Variants in ENTPD7 observed in about 807,000 individuals in gnomAD.
ENTPD7 encodes ectonucleoside triphosphate diphosphohydrolase 7.
ENTPD7 carries 53 observed loss-of-function variants against 77.9 expected under a neutral mutation model. The observed-to-expected ratio is 0.68, with a 90% CI of 0.55 to 0.85. The LOEUF (loss-of-function observed/expected upper bound fraction) is 0.85, where lower values mean the gene tolerates loss of function less well. Ranked by LOEUF, ENTPD7 falls within the 40% of genes least tolerant of loss-of-function variation. ENTPD7 has a pLI of 0.00. For missense variants in ENTPD7, 636 were observed against 743.7 expected (o/e 0.86, Z 1.68); for synonymous variants, 248 against 274.9 (o/e 0.90, Z 0.97).
chr10:99,698,038 T>G (rs1373160493), intron 9 of ENTPD7: 1 of 164,556 alleles, frequency 6.1e-6, no homozygotes, highest in Admixed American at 5.7e-5. Context: ...GTGCCTGTTC[T>G]GTTCCAGCAC....
At position 99,699,604 on chromosome 10, in the gene ENTPD7, G is replaced by T. The variant is rs544979121; in HGVS notation, c.1335+746G>T. 4.6e-5 allele frequency among the ~76,000 whole-genome samples: 7 copies of T among 152,262 alleles called. No homozygotes were observed. The South Asian group carries it at 1.5e-3, about 32-fold the overall frequency. On this transcript the variant is annotated intron_variant, in intron 10 of 12. Coordinates refer to ENST00000370489, the MANE Select transcript of ENTPD7 (RefSeq NM_020354.5). ...TCTTGAGATGGGGTCTCGCTCTGTA[G>T]CCCAGGCTGGAGTGCATTGGCATGA...
At position 99,701,006 on chromosome 10, in the gene ENTPD7, C is replaced by T. The variant is rs147079897; in HGVS notation, c.1369C>T (p.Gln457Ter). 2 of 1,614,018 alleles carry T rather than the reference C, an allele frequency of 1.2e-6. No individual in the cohort carries two copies. Among genetic ancestry groups the T allele is most frequent in the Non-Finnish European group, 1.7e-6 (2 of 1,179,994 alleles). Residue 457 changes from glutamine (Q) to a stop codon, truncating the protein, a stop_gained, in exon 11 of 13, where the codon CAG (glutamine) becomes TAG (stop). Transcript: ENST00000370489. LOFTEE classifies it high-confidence loss of function. ...TGGCATGGCTTGGTCGGTACTAACT[C>T]AGAGATTCAAGAATGGCCTCTTTTC... The part of the protein sequence containing the change: ...YCGMAWSVLT[Q>*]RFKNGLFSSH...
intron 8 of ENTPD7, among the ~76,000 whole-genome samples, chr10:99,694,368 A>G (rs890505009): frequency 8.5e-5 from 13 of 152,138 alleles, no homozygotes; most frequent in African/African-American, 3.1e-4. Context: ...TGGGTATTTC[A>G]TTCCTTTTTA....
At position 99,709,646 on chromosome 10, in the gene ENTPD7, G is replaced by T; in HGVS notation, c.*4963G>T. 1 of 985,366 alleles carries T rather than the reference G, an allele frequency of 1.0e-6. No individual in the cohort carries two copies. The highest frequency in any genetic ancestry group is 1.2e-6 in the Non-Finnish European group (1 of 829,928). The allele number at this position is 985,366 out of a possible 1,614,324, so 61.0% of individuals were successfully genotyped here. On this transcript the variant is annotated 3_prime_UTR_variant, in exon 13 of 13. Transcript: ENST00000370489. ...TCTCTCATAACCTGGATCTAAGTTGGAAAGCTGTGGCACCCTGTTTGGGTG... is the reference window on the plus strand; with the variant it reads ...TCTCTCATAACCTGGATCTAAGTTGTAAAGCTGTGGCACCCTGTTTGGGTG...
intron 7 of ENTPD7, 42 bp from the exon 8 acceptor site, chr10:99,691,343 T>G (rs748253142): frequency 6.3e-7 from 1 of 1,586,962 alleles, no homozygotes; most frequent in Non-Finnish European, 8.6e-7. Context: ...TTAATTTTAT[T>G]TTTTAATTAC....
chr10:99,665,256 G>GAAA (rs11428277), intron 3 of ENTPD7, among the ~76,000 whole-genome samples: 3 of 142,284 alleles, frequency 2.1e-5, no homozygotes, highest in Non-Finnish European at 3.0e-5. Flanking sequence ...CTGTCTCAAA[G>GAAA]AAAAAAAAAA....
At chr10:99,672,984 A>G (rs1278668168) in intron 3 of ENTPD7, among the ~76,000 whole-genome samples, 1 of 152,232 alleles carries the variant, frequency 6.6e-6, no homozygotes, top group African/African-American at 2.4e-5. Flanking sequence ...TTTCAGGATA[A>G]TGGCAGTGAA....
chr10:99,704,050 T>A (rs947070037), intron 12 of ENTPD7, among the ~76,000 whole-genome samples: 5 of 152,198 alleles, frequency 3.3e-5, no homozygotes, highest in African/African-American at 1.2e-4. Context: ...AAAAAAGGAT[T>A]TAGACACACA....
rs78819087 is a variant in ENTPD7 at position 99,684,093 on chromosome 10, T to A, written c.549-1699T>A. Among the ~76,000 whole-genome samples, 442 of 152,328 alleles carry A rather than the reference T, an allele frequency of 2.9e-3. 12 individuals carry two copies. The East Asian group carries it at 0.071, about 25-fold the overall frequency. On this transcript the variant is annotated intron_variant, in intron 5 of 12. Coordinates refer to ENST00000370489, the MANE Select transcript of ENTPD7 (RefSeq NM_020354.5). ...TTATTGGAGATGGAGTCTCCCTCTA[T>A]CGCCCAGGCTGGAGTGCAGTGGCAT...
In ENTPD7 at chr10:99,704,543, C is replaced by G; in HGVS notation, c.1675C>G (p.Leu559Val). 6.2e-7 allele frequency: 1 copy of G among 1,614,182 alleles called. No homozygotes were observed. The highest frequency in any genetic ancestry group is 8.5e-7 in the Non-Finnish European group (1 of 1,180,028). ...YNHYLFFACI[L>V]VVLLAIFLYL... The stretch of plus-strand genomic sequence containing the variant: ...CCACTATCTCTTCTTTGCCTGTATC[C>G]TGGTGGTGCTACTGGCCATCTTCCT... Residue 559 changes from leucine to valine, a missense_variant, in exon 13 of 13, where the codon CTG becomes GTG. Transcript: ENST00000370489.
chr10:99,677,920 G>A (rs887356881), intron 3 of ENTPD7, among the ~76,000 whole-genome samples: 6 of 152,086 alleles, frequency 3.9e-5, no homozygotes, highest in African/African-American at 1.4e-4. Flanking sequence ...ATAGAGCTGA[G>A]ATTCAAACCT....
chr10:99,698,500 T>G, intron 9 of ENTPD7, 34 bp from the exon 10 acceptor site: 1 of 1,557,132 alleles, frequency 6.4e-7, no homozygotes, highest in Non-Finnish European at 8.8e-7. Flanking sequence ...GCATGACGTG[T>G]TTGTTTGTTT....
At chr10:99,667,294 A>G (rs1488470493) in intron 3 of ENTPD7, among the ~76,000 whole-genome samples, 2 of 152,216 alleles carry the variant, frequency 1.3e-5, no homozygotes, top group Non-Finnish European at 2.9e-5. Context: ...TAAGAGGCAA[A>G]CATTTATTGA....
At chr10:99,690,432 ATTAAT>A (rs1467524930) in intron 7 of ENTPD7, among the ~76,000 whole-genome samples, 1 of 152,102 alleles carries the variant, frequency 6.6e-6, no homozygotes, top group Non-Finnish European at 1.5e-5. Context: ...ATAGGGTGCT[ATTAAT>A]TTATTTGATT....
At chr10:99,695,010 T>C (rs187828412) in intron 8 of ENTPD7, among the ~76,000 whole-genome samples, 16 of 152,228 alleles carry the variant, frequency 1.1e-4, no homozygotes, top group Non-Finnish European at 2.1e-4. Flanking sequence ...GAGAATGGAA[T>C]GAGATTAAGT....
At position 99,709,544 on chromosome 10, in the gene ENTPD7, A is replaced by G. The variant is rs907697224; in HGVS notation, c.*4861A>G. ...AATAACAGGATTATTAGTCAATAAT[A>G]TTTTGATTAATACTATAGAATAGCA... On this transcript the variant is annotated 3_prime_UTR_variant, in exon 13 of 13. Coordinates refer to ENST00000370489, the MANE Select transcript of ENTPD7 (RefSeq NM_020354.5). 1.0e-6 allele frequency: 1 copy of G among 982,692 alleles called. No homozygotes were observed. Among genetic ancestry groups the G allele is most frequent in the African/African-American group, 1.7e-5 (1 of 57,194 alleles). The allele number at this position is 982,692 out of a possible 1,614,324, so 60.9% of individuals were successfully genotyped here. A position where few individuals can be genotyped will look rare whatever the true frequency, so the allele number is the denominator to read the frequency against.
chr10:99,678,430 T>A (rs1266815609), intron 3 of ENTPD7, among the ~76,000 whole-genome samples: 3 of 150,618 alleles, frequency 2.0e-5, no homozygotes, highest in Non-Finnish European at 4.4e-5. Context: ...ATCATGCCAC[T>A]GCACTCTAGC....
chr10:99,702,581 C>T lies in ENTPD7; in HGVS notation c.1491C>T (p.Tyr497=). ...LHEGFHFPYD[Y]PNLRTAQLVY... ...AAGGATTCCACTTTCCCTATGACTA[C>T]CCAAACCTGCGGACAGCCCAGCTGG... The change falls in exon 12 of 13, where the codon TAC becomes TAT. Residue 497 remains tyrosine (Y), a synonymous_variant. Transcript: ENST00000370489. 1 of 1,613,276 alleles carries T rather than the reference C, an allele frequency of 6.2e-7. No homozygotes were observed. The highest frequency in any genetic ancestry group is 8.5e-7 in the Non-Finnish European group (1 of 1,179,698).
chr10:99,709,970 T>C lies in ENTPD7; in HGVS notation c.*5287T>C. The C allele has an allele frequency of 1.0e-6, 1 of 985,446 alleles. No individual in the cohort carries two copies. The highest frequency in any genetic ancestry group is 1.2e-6 in the Non-Finnish European group (1 of 829,930). 61.0% of individuals were successfully genotyped at this position (985,446 alleles called of 1,614,324 possible). ...TACAAGGGCTTTCACTTTTAAAATG[T>C]AATCCATCATTGCTTGCCATTTTTA... On this transcript the variant is annotated 3_prime_UTR_variant, in exon 13 of 13. Transcript: ENST00000370489.
Sources: allele counts gnomAD v4.1 joint callset (sites outside exome capture counted in the v4.1 genomes callset), GRCh38; gene constraint gnomAD v4.1.1; transcripts MANE v1.5; gene names NCBI Gene and HGNC (gene_info 2026-07-23, HGNC 2026-07-21).